Variants in DENND5B observed in about 807,000 individuals in gnomAD.
DENND5B encodes DENN domain containing 5B, also known as DENN domain-containing protein 5B.
DENND5B carries 34 observed loss-of-function variants against 140.6 expected under a neutral mutation model. The ratio of observed to expected loss-of-function variants is 0.24; its 90% CI spans 0.18 to 0.32. The LOEUF (loss-of-function observed/expected upper bound fraction) is 0.32. Among genes scored for constraint, DENND5B ranks in the 10% least tolerant of loss-of-function variants. DENND5B has a pLI of 1.00. For missense variants in DENND5B, 1,142 were observed against 1,560.2 expected (o/e 0.73, Z 4.52); for synonymous variants, 551 against 562.1 (o/e 0.98, Z 0.28).
At chr12:31,500,224 C>T (rs997944319) in intron 1 of DENND5B, among the ~76,000 whole-genome samples, 2 of 151,860 alleles carry the variant, frequency 1.3e-5, no homozygotes, top group Non-Finnish European at 2.9e-5. Flanking sequence ...GACAGTAAGA[C>T]TAAATGACCA....
At chr12:31,447,132 G>A (rs1421640538) in intron 6 of DENND5B, among the ~76,000 whole-genome samples, 3 of 151,926 alleles carry the variant, frequency 2.0e-5, no homozygotes, top group Non-Finnish European at 2.9e-5. Context: ...TTAGTCAGGC[G>A]TGATGGTGCG....
At chr12:31,559,902 C>T (rs192278948) in intron 1 of DENND5B, among the ~76,000 whole-genome samples, 44 of 152,174 alleles carry the variant, frequency 2.9e-4, no homozygotes, top group African/African-American at 9.9e-4. Flanking sequence ...GCTGCTGCTG[C>T]CTTCCTTCTT....
At chr12:31,582,614 T>C (rs1024080247) in intron 1 of DENND5B, among the ~76,000 whole-genome samples, 1 of 152,164 alleles carries the variant, frequency 6.6e-6, no homozygotes, top group African/African-American at 2.4e-5. Context: ...AAATATATAA[T>C]CTTCTAAATC....
chr12:31,486,641 C>A (rs1198217452), intron 2 of DENND5B, among the ~76,000 whole-genome samples: 1 of 152,170 alleles, frequency 6.6e-6, no homozygotes, highest in Non-Finnish European at 1.5e-5. Flanking sequence ...TTATTTGGTT[C>A]TTCATGAAAA....
At chr12:31,411,526 G>A (rs2137546028) in intron 13 of DENND5B, among the ~76,000 whole-genome samples, 1 of 151,882 alleles carries the variant, frequency 6.6e-6, no homozygotes, top group South Asian at 2.1e-4. Context: ...TGTATTTTTA[G>A]TAGAGACGGG....
intron 1 of DENND5B, among the ~76,000 whole-genome samples, chr12:31,548,898 GTTT>G (rs565877134): frequency 6.6e-6 from 1 of 151,752 alleles, no homozygotes; most frequent in Non-Finnish European, 1.5e-5. Flanking sequence ...AAAGCCAAGG[GTTT>G]TTTTTCCTTT....
At chr12:31,486,096 G>A (rs2138623937) in intron 2 of DENND5B, among the ~76,000 whole-genome samples, 1 of 152,342 alleles carries the variant, frequency 6.6e-6, no homozygotes, top group Non-Finnish European at 1.5e-5. Flanking sequence ...TTAAATATAT[G>A]TGTGCCTCCA....
intron 14 of DENND5B, among the ~76,000 whole-genome samples, chr12:31,405,206 T>C (rs1416054463): frequency 6.6e-6 from 1 of 151,710 alleles, no homozygotes; most frequent in Non-Finnish European, 1.5e-5. Flanking sequence ...CCTGGCCTGA[T>C]TGTAAAATTT....
intron 3 of DENND5B, among the ~76,000 whole-genome samples, chr12:31,468,120 G>A (rs1945362979): frequency 6.6e-6 from 1 of 152,062 alleles, no homozygotes; most frequent in Non-Finnish European, 1.5e-5. Context: ...CAGGTGTGGT[G>A]GCATGCACCT....
intron 1 of DENND5B, among the ~76,000 whole-genome samples, chr12:31,552,426 T>C (rs1202682650): frequency 6.6e-6 from 1 of 152,200 alleles, no homozygotes; most frequent in African/African-American, 2.4e-5. Flanking sequence ...TTGATCATAG[T>C]GGATAAGCTT....
chr12:31,550,053 CTTTT>C (rs556696698), intron 1 of DENND5B, among the ~76,000 whole-genome samples: 2 of 147,150 alleles, frequency 1.4e-5, no homozygotes, highest in African/African-American at 2.5e-5. Flanking sequence ...TTCTTTTTTT[CTTTT>C]TTTTTTAAAT....
chr12:31,527,046 A>AACTACTGAATAACAGGCAATAAACAAT (rs1447119986), intron 1 of DENND5B, among the ~76,000 whole-genome samples: 5 of 152,224 alleles, frequency 3.3e-5, no homozygotes, highest in Admixed American at 3.3e-4. Context: ...TTCAGTAGGG[A>AACTACTGAATAACAGGCAATAAACAAT]AAACAGGCAA....
At chr12:31,498,260 G>C (rs181684463) in intron 1 of DENND5B, among the ~76,000 whole-genome samples, 4 of 152,172 alleles carry the variant, frequency 2.6e-5, no homozygotes, top group African/African-American at 4.8e-5. Context: ...AAAACTCCTT[G>C]CAACACTTAC....
intron 17 of DENND5B, among the ~76,000 whole-genome samples, chr12:31,393,652 C>T (rs928929914): frequency 4.6e-5 from 7 of 152,140 alleles, no homozygotes; most frequent in Admixed American, 2.6e-4. Context: ...TTAAGAATCT[C>T]TGAATTCATA....
intron 8 of DENND5B, among the ~76,000 whole-genome samples, chr12:31,428,908 T>A (rs913340891): frequency 2.0e-5 from 3 of 152,072 alleles, no homozygotes; most frequent in African/African-American, 7.2e-5. Flanking sequence ...TTTTTTTGTA[T>A]TTTTAGTAGA....
chr12:31,586,959 A>G (rs1029479522), intron 1 of DENND5B, among the ~76,000 whole-genome samples: 8 of 152,202 alleles, frequency 5.3e-5, no homozygotes, highest in African/African-American at 1.9e-4. Flanking sequence ...ATGTTGCTCT[A>G]CGGAAATAGT....
At chr12:31,443,889 G>C (rs533242649) in intron 6 of DENND5B, 1 of 152,126 alleles carries the variant, frequency 6.6e-6, no homozygotes, top group Non-Finnish European at 1.5e-5. Context: ...TAAGAAACTG[G>C]CCTTTTGAAG....
chr12:31,480,860 A>G (rs1946042997), intron 2 of DENND5B, among the ~76,000 whole-genome samples: 1 of 152,230 alleles, frequency 6.6e-6, no homozygotes, highest in Non-Finnish European at 1.5e-5. Context: ...CTACTAAAGC[A>G]GAAGCACAGA....
chr12:31,495,811 A>G lies in DENND5B; in HGVS notation c.236T>C (p.Met79Thr). 6.2e-7 allele frequency: 1 copy of G among 1,605,368 alleles called. No homozygotes were observed. The highest frequency in any genetic ancestry group is 1.3e-5 in the African/African-American group (1 of 74,780). The change falls in exon 2 of 21, where the codon ATG (methionine) becomes ACG (threonine). Residue 79 changes from methionine (M) to threonine (T), a missense_variant and splice_region_variant. Met to Thr is a moderately conservative substitution (Grantham distance 81). Coordinates refer to ENST00000389082, the MANE Select transcript of DENND5B (RefSeq NM_144973.4). The part of the protein sequence containing the change: ...WNPFDQDAVN[M>T]LCMPKGLSFR... ...AATGAGGGGAAAAAAAACACATACC[A>G]TGTTCACCGCATCTTGATCAAAAGG...
Sources: allele counts gnomAD v4.1 joint callset (sites outside exome capture counted in the v4.1 genomes callset), GRCh38; gene constraint gnomAD v4.1.1; transcripts MANE v1.5; gene names NCBI Gene and HGNC (gene_info 2026-07-23, HGNC 2026-07-21).